PTPRN2: variants seen among roughly 807,000 people sequenced by gnomAD.
The protein encoded by PTPRN2 is receptor-type tyrosine-protein phosphatase N2.
PTPRN2 carries 74 observed loss-of-function variants against 118.8 expected under a neutral mutation model. The observed-to-expected ratio is 0.62, with a 90% confidence interval of 0.52 to 0.76. The LOEUF (loss-of-function observed/expected upper bound fraction) is 0.76, where lower values mean the gene tolerates loss of function less well. Ranked by LOEUF, PTPRN2 falls within the 30% of genes least tolerant of loss-of-function variation. PTPRN2 has a pLI of 0.00. For synonymous variants in PTPRN2, 641 were observed against 608.0 expected, an observed-to-expected ratio of 1.05 and a Z score of -0.80; for missense variants, 1,481 against 1,394.4, an observed-to-expected ratio of 1.06 and a Z score of -0.99.
At chr7:157,842,586 T>C (rs1277000397) in intron 12 of PTPRN2, among the ~76,000 whole-genome samples, 2 of 152,048 alleles carry the variant, frequency 1.3e-5, no homozygotes, top group Non-Finnish European at 2.9e-5. Flanking sequence ...AGCTAATTTT[T>C]GTATTTTTAG....
At chr7:157,580,814 C>G (rs1322312351) in intron 17 of PTPRN2, among the ~76,000 whole-genome samples, 30 of 113,118 alleles carry the variant, frequency 2.7e-4, no homozygotes, top group Admixed American at 3.6e-4. Flanking sequence ...CTGCACACCC[C>G]AGCACCTGCA....
intron 3 of PTPRN2, among the ~76,000 whole-genome samples, chr7:158,296,340 C>T (rs117669401): frequency 0.024 from 3,686 of 152,216 alleles, 70 homozygotes; most frequent in Non-Finnish European, 0.04. Flanking sequence ...CTGAGCGGCC[C>T]GACTCCAGGG....
At chr7:158,404,178 C>T (rs982242663) in intron 2 of PTPRN2, among the ~76,000 whole-genome samples, 1 of 152,226 alleles carries the variant, frequency 6.6e-6, no homozygotes, top group African/African-American at 2.4e-5. Context: ...GGCCCCAAGG[C>T]TTATAAGTGA....
At chr7:158,057,090 A>G (rs1295321518) in intron 11 of PTPRN2, among the ~76,000 whole-genome samples, 1 of 152,220 alleles carries the variant, frequency 6.6e-6, no homozygotes, top group Non-Finnish European at 1.5e-5. Context: ...GACGCTGCCC[A>G]GCTCCCGATT....
intron 21 of PTPRN2, among the ~76,000 whole-genome samples, chr7:157,563,632 A>G (rs767083678): frequency 2.2e-4 from 25 of 112,040 alleles, no homozygotes; most frequent in Middle Eastern, 7.0e-3. Flanking sequence ...GTGCTCCCAC[A>G]TCACCACACA....
chr7:158,294,934 G>A (rs1185947165), intron 3 of PTPRN2, among the ~76,000 whole-genome samples: 1 of 142,844 alleles, frequency 7.0e-6, no homozygotes, highest in African/African-American at 2.7e-5. Flanking sequence ...CACGCGCGTG[G>A]TTCACCCACC....
At chr7:158,569,069 G>T (rs966037294) in intron 1 of PTPRN2, among the ~76,000 whole-genome samples, 6 of 152,240 alleles carry the variant, frequency 3.9e-5, no homozygotes, top group African/African-American at 1.4e-4. Context: ...GGAGGCTACA[G>T]TGAGCTGTGA....
At chr7:157,793,532 C>T (rs960346410) in intron 12 of PTPRN2, among the ~76,000 whole-genome samples, 7 of 150,202 alleles carry the variant, frequency 4.7e-5, no homozygotes, top group African/African-American at 9.8e-5. Context: ...AAGGGCGGGG[C>T]GTGGTGCCTC....
intron 2 of PTPRN2, among the ~76,000 whole-genome samples, chr7:158,408,805 G>T (rs73178224): frequency 6.5e-4 from 99 of 152,150 alleles, no homozygotes; most frequent in South Asian, 1.5e-3. Flanking sequence ...ACATATGCTT[G>T]AGATAAAACG....
chr7:158,369,246 C>T (rs926690460), intron 2 of PTPRN2, among the ~76,000 whole-genome samples: 3 of 30,540 alleles, frequency 9.8e-5, no homozygotes, highest in African/African-American at 2.3e-4. Flanking sequence ...AGTAAACTCC[C>T]CTTTATATAT....
chr7:158,106,474 C>CCA (rs1815692831), intron 10 of PTPRN2, among the ~76,000 whole-genome samples: 1 of 152,200 alleles, frequency 6.6e-6, no homozygotes, highest in East Asian at 1.9e-4. Context: ...CTCCCTGCCT[C>CCA]CACACACACA....
chr7:158,206,897 T>C (rs1363415577), intron 3 of PTPRN2, among the ~76,000 whole-genome samples: 3 of 149,984 alleles, frequency 2.0e-5, no homozygotes, highest in Non-Finnish European at 4.4e-5. Flanking sequence ...CATGCTGGTG[T>C]GCTGCACCCA....
At chr7:158,261,623 G>A (rs1470953638) in intron 3 of PTPRN2, among the ~76,000 whole-genome samples, 1 of 152,156 alleles carries the variant, frequency 6.6e-6, no homozygotes, top group Non-Finnish European at 1.5e-5. Context: ...CCACTCCATA[G>A]AGCACACGAA....
intron 17 of PTPRN2, among the ~76,000 whole-genome samples, chr7:157,592,088 C>T (rs891609797): frequency 2.0e-5 from 3 of 152,172 alleles, no homozygotes; most frequent in Non-Finnish European, 4.4e-5. Context: ...CGAGATGTGT[C>T]TCAAAATTAT....
At chr7:158,244,784 G>A (rs2150867771) in intron 3 of PTPRN2, among the ~76,000 whole-genome samples, 1 of 151,672 alleles carries the variant, frequency 6.6e-6, no homozygotes, top group African/African-American at 2.4e-5. Context: ...GTGTGTGTGA[G>A]TTGTGTGAGT....
At chr7:158,447,385 A>C (rs1168728189) in intron 2 of PTPRN2, among the ~76,000 whole-genome samples, 1 of 152,226 alleles carries the variant, frequency 6.6e-6, no homozygotes, top group Admixed American at 6.5e-5. Flanking sequence ...GCACCAAAAA[A>C]AAAGAGGAAG....
chr7:157,982,143 C>T (rs4716862), intron 11 of PTPRN2, among the ~76,000 whole-genome samples: 27,411 of 110,410 alleles, frequency 0.25, 4,535 homozygotes, highest in East Asian at 0.33. Flanking sequence ...CAGCGTCCCC[C>T]ATAAACCCCG....
intron 11 of PTPRN2, among the ~76,000 whole-genome samples, chr7:158,044,588 TTTGTAAA>T (rs139860765): frequency 0.014 from 2,199 of 152,118 alleles, 66 homozygotes; most frequent in African/African-American, 0.05. Context: ...GCCTCGATCA[TTTGTAAA>T]GACTCTGCTG....
At chr7:157,605,556 C>T (rs768548663) in intron 15 of PTPRN2, among the ~76,000 whole-genome samples, 21 of 152,268 alleles carry the variant, frequency 1.4e-4, no homozygotes, top group African/African-American at 2.9e-4. Context: ...TCTTGTTCTG[C>T]GACCAGGAAG....
Sources: allele counts gnomAD v4.1 joint callset (sites outside exome capture counted in the v4.1 genomes callset), GRCh38; gene constraint gnomAD v4.1.1; transcripts MANE v1.5; gene names NCBI Gene and HGNC (gene_info 2026-07-23, HGNC 2026-07-21).